DGKG: variants seen among roughly 807,000 people sequenced by gnomAD.
DGKG encodes the protein diacylglycerol kinase gamma, also known as DAG kinase gamma.
Under a neutral mutation model 105.3 loss-of-function variants are expected in DGKG, and 78 were observed. The ratio of observed to expected loss-of-function variants is 0.74; its 90% confidence interval spans 0.62 to 0.89. The LOEUF is 0.89. Ranked by LOEUF, DGKG falls within the 40% of genes least tolerant of loss-of-function variation. DGKG has a pLI of 0.00. For missense variants in DGKG, 958 were observed against 1,020.1 expected (o/e 0.94, Z 0.83); for synonymous variants, 346 against 367.1 (o/e 0.94, Z 0.66).
chr3:186,278,654 A>G (rs1366444458), intron 9 of DGKG, among the ~76,000 whole-genome samples: 3 of 152,318 alleles, frequency 2.0e-5, no homozygotes, highest in Middle Eastern at 6.8e-3. Flanking sequence ...AGCACTGGAC[A>G]TGCTATGAAA....
chr3:186,160,720 C>T, intron 24 of DGKG: 1 of 985,390 alleles, frequency 1.0e-6, no homozygotes, highest in Non-Finnish European at 1.2e-6. Context: ...TGCATAGCTG[C>T]AATCTTATTG....
intron 5 of DGKG, among the ~76,000 whole-genome samples, chr3:186,293,135 G>A (rs1488546287): frequency 6.6e-6 from 1 of 152,164 alleles, no homozygotes; most frequent in African/African-American, 2.4e-5. Flanking sequence ...ATTATCTCCT[G>A]AAGTCTATAA....
intron 1 of DGKG, among the ~76,000 whole-genome samples, chr3:186,339,610 C>G (rs569835996): frequency 6.4e-4 from 97 of 152,172 alleles, no homozygotes; most frequent in African/African-American, 2.0e-3. Context: ...ATTTCATTTC[C>G]CCCAAATCTT....
chr3:186,353,679 T>TATCTATA (rs1726760582), intron 1 of DGKG, among the ~76,000 whole-genome samples: 1 of 143,328 alleles, frequency 7.0e-6, no homozygotes, highest in Non-Finnish European at 1.5e-5. Flanking sequence ...TCTATATCTA[T>TATCTATA]ATCTATATCT....
At chr3:186,177,682 A>T (rs1717150798) in intron 22 of DGKG, among the ~76,000 whole-genome samples, 1 of 152,204 alleles carries the variant, frequency 6.6e-6, no homozygotes, top group East Asian at 1.9e-4. Context: ...TAGATACTTG[A>T]AGACAGGTTT....
At chr3:186,242,386 A>T in intron 20 of DGKG, 118 bp downstream of exon 20, 1 of 523,236 alleles carries the variant, frequency 1.9e-6, no homozygotes, top group Admixed American at 4.0e-5. Flanking sequence ...GGCAAGTGGC[A>T]GGAAGGCCAA....
intron 2 of DGKG, among the ~76,000 whole-genome samples, chr3:186,312,540 C>T (rs1005487773): frequency 2.0e-5 from 3 of 152,012 alleles, no homozygotes; most frequent in African/African-American, 7.3e-5. Flanking sequence ...ACCACGATGC[C>T]GAGGACAAAG....
Position 186,279,924 on chromosome 3 carries a change from A to G in DGKG, c.719T>C (p.Val240Ala). 6.2e-7 allele frequency: 1 copy of G among 1,614,210 alleles called. No homozygotes were observed. The highest frequency in any genetic ancestry group is 8.5e-7 in the Non-Finnish European group (1 of 1,180,024). ...TCCATGGACCCATTCCTGTAGAGAC[A>G]CAAAGCCGTCCCGGTCGTAGTCCAT... The part of the protein sequence containing the change: ...QGMDYDRDGF[V>A]SLQEWVHGGM... The change falls in exon 9 of 25, where the codon GTG becomes GCG. Residue 240 changes from valine to alanine, a missense_variant. Val to Ala is a moderately conservative substitution (Grantham distance 64). Around this residue, in one of 2 missense-constraint regions of DGKG, gnomAD observed 643 missense variants for 619.5 expected, o/e 1.04. Transcript: ENST00000265022.
chr3:186,302,233 C>T (rs138075302), intron 3 of DGKG, among the ~76,000 whole-genome samples: 1 of 151,892 alleles, frequency 6.6e-6, no homozygotes, highest in Non-Finnish European at 1.5e-5. Context: ...AGAATGTCTC[C>T]TTTCATCTTT....
intron 22 of DGKG, among the ~76,000 whole-genome samples, chr3:186,186,236 A>C (rs1717632475): frequency 1.3e-5 from 2 of 152,140 alleles, no homozygotes; most frequent in South Asian, 4.2e-4. Flanking sequence ...GAAACAAGAG[A>C]ATAACTTCCC....
chr3:186,262,376 A>G (rs1342898013), intron 14 of DGKG, among the ~76,000 whole-genome samples: 1 of 151,980 alleles, frequency 6.6e-6, no homozygotes, highest in Non-Finnish European at 1.5e-5. Context: ...TCTGTTATTC[A>G]TCCATCCATC....
In DGKG at chr3:186,275,570, C is replaced by T. The variant is rs200659436; in HGVS notation, c.887G>A (p.Arg296His). 1.5e-4 allele frequency: 250 copies of T among 1,614,160 alleles called. No individual in the cohort carries two copies. The East Asian group carries it at 5.0e-3, about 32-fold the overall frequency. Residue 296 changes from arginine to histidine, a missense_variant, in exon 10 of 25, where the codon CGC becomes CAC. Physicochemically the swap from Arg to His is conservative, Grantham distance 29. This residue lies in a region of DGKG where 643 missense variants were observed against 619.5 expected (regional missense o/e 1.04). Transcript: ENST00000265022. The stretch of plus-strand genomic sequence containing the variant: ...ACAAGTGCAGCACAGGCCTTGCTTG[C>T]GGACGCCCATGAGCATGATATGGCA... ...NFCHIMLMGV[R>H]KQGLCCTYCK...
chr3:186,299,833 CTTTCTTTTT>C (rs1481118878), intron 3 of DGKG, among the ~76,000 whole-genome samples: 107 of 97,656 alleles, frequency 1.1e-3, no homozygotes, highest in Non-Finnish European at 1.7e-3. Context: ...TTCTTTCTTT[CTTTCTTTTT>C]TTTTTTTTTT....
At position 186,280,236 on chromosome 3, in the gene DGKG, TG is replaced by T. The variant is rs558424959; in HGVS notation, c.670-264del. On this transcript the variant is annotated intron_variant, in intron 8 of 24. Transcript: ENST00000265022. The stretch of plus-strand genomic sequence containing the variant: ...AAAATGGAAATAATATTGTTGTGTT[TG>T]TGGCACTGTAGCAGGGATTAGAGAA... Among the ~76,000 whole-genome samples, 379 of 152,342 alleles carry T rather than the reference TG, an allele frequency of 2.5e-3. 2 individuals carry two copies. The highest frequency in any genetic ancestry group is 8.9e-3 in the African/African-American group (370 of 41,582).
At chr3:186,223,010 A>AATATATATATAT (rs1194415419) in intron 20 of DGKG, among the ~76,000 whole-genome samples, 1 of 10,274 alleles carries the variant, frequency 9.7e-5, no homozygotes, top group African/African-American at 2.3e-4. Flanking sequence ...GTGTATGTAT[A>AATATATATATAT]CTATATATAT....
intron 1 of DGKG, among the ~76,000 whole-genome samples, chr3:186,350,801 T>C (rs1726593965): frequency 6.6e-6 from 1 of 152,232 alleles, no homozygotes; most frequent in Non-Finnish European, 1.5e-5. Context: ...TCCTAATGGG[T>C]ATGAAGTGGC....
At chr3:186,181,866 G>A (rs115181235) in intron 22 of DGKG, among the ~76,000 whole-genome samples, 2,192 of 152,302 alleles carry the variant, frequency 0.014, 58 homozygotes, top group African/African-American at 0.051. Context: ...ACACAGGCTC[G>A]AGACCACTGC....
At chr3:186,339,975 A>G (rs1027935938) in intron 1 of DGKG, among the ~76,000 whole-genome samples, 2 of 152,230 alleles carry the variant, frequency 1.3e-5, no homozygotes, top group African/African-American at 4.8e-5. Flanking sequence ...CAGTAGGATT[A>G]AAGATAATGA....
At chr3:186,319,711 G>T (rs1443988903) in intron 2 of DGKG, among the ~76,000 whole-genome samples, 1 of 151,070 alleles carries the variant, frequency 6.6e-6, no homozygotes, top group Non-Finnish European at 1.5e-5. Flanking sequence ...CACCAATAAG[G>T]ATTAGGAGTA....
Sources: allele counts gnomAD v4.1 joint callset (sites outside exome capture counted in the v4.1 genomes callset), GRCh38; gene constraint gnomAD v4.1.1; regional missense constraint gnomAD v4.1.1; transcripts MANE v1.5; gene names NCBI Gene and HGNC (gene_info 2026-07-23, HGNC 2026-07-21).